The following RBFOX1 variants were observed in gnomAD, a reference collection of about 807,000 sequenced individuals.
RBFOX1 encodes RNA binding fox-1 homolog 1, also known as RNA binding protein fox-1 homolog 1.
Under a neutral mutation model 57.7 loss-of-function variants are expected in RBFOX1, and 8 were observed. That is an observed-to-expected ratio of 0.14 (90% confidence interval 0.08 to 0.25). The LOEUF (loss-of-function observed/expected upper bound fraction) is 0.25, where lower values mean the gene tolerates loss of function less well. RBFOX1 is among the 10% of genes least tolerant of loss of function. The pLI is 1.00. For synonymous variants in RBFOX1, 326 were observed against 222.4 expected (o/e 1.47, Z -4.15); for missense variants, 611 against 548.5 (o/e 1.11, Z -1.14).
At chr16:6,341,314 C>G (rs1567973200) in intron 2 of RBFOX1, among the ~76,000 whole-genome samples, 1 of 152,098 alleles carries the variant, frequency 6.6e-6, no homozygotes, top group Non-Finnish European at 1.5e-5. Flanking sequence ...GGTTGAGTCT[C>G]TTTCACATCA....
intron 3 of RBFOX1, among the ~76,000 whole-genome samples, chr16:5,854,883 C>G (rs1295464600): frequency 6.6e-6 from 1 of 152,178 alleles, no homozygotes. Flanking sequence ...TCCTCACCAA[C>G]ACTTGCTATC....
intron 10 of RBFOX1, among the ~76,000 whole-genome samples, chr16:7,613,538 A>G (rs1399734242): frequency 6.6e-6 from 1 of 152,202 alleles, no homozygotes; most frequent in African/African-American, 2.4e-5. Flanking sequence ...GGATCTCAGT[A>G]TGAAGTTTAA....
At chr16:6,298,198 T>C (rs56291480) in intron 1 of RBFOX1, among the ~76,000 whole-genome samples, 36,588 of 152,126 alleles carry the variant, frequency 0.24, 4,588 homozygotes, top group Non-Finnish European at 0.28. Flanking sequence ...GTGGCAGCAA[T>C]TGAAGAGATG....
At chr16:6,648,007 A>G (rs569959807) in intron 2 of RBFOX1, among the ~76,000 whole-genome samples, 1 of 152,144 alleles carries the variant, frequency 6.6e-6, no homozygotes, top group African/African-American at 2.4e-5. Flanking sequence ...ATGCCCAGCT[A>G]ATTTTTGTAT....
At chr16:6,158,968 TCTCGG>T (rs2096857969) in intron 1 of RBFOX1, among the ~76,000 whole-genome samples, 1 of 151,984 alleles carries the variant, frequency 6.6e-6, no homozygotes, top group Non-Finnish European at 1.5e-5. Context: ...AGTAGTGCAC[TCTCGG>T]CTCACTGCAA....
chr16:6,141,574 C>G (rs1414021707), intron 1 of RBFOX1, among the ~76,000 whole-genome samples: 4 of 152,122 alleles, frequency 2.6e-5, no homozygotes, highest in Admixed American at 2.6e-4. Context: ...TCCTGTCTTT[C>G]CCTGCTTGTC....
At chr16:6,155,565 G>A (rs17215032) in intron 1 of RBFOX1, among the ~76,000 whole-genome samples, 1 of 152,308 alleles carries the variant, frequency 6.6e-6, no homozygotes, top group South Asian at 2.1e-4. Flanking sequence ...CATCGATAGT[G>A]ACCAGAAGGC....
At chr16:7,246,272 A>G (rs1388915594) in intron 4 of RBFOX1, among the ~76,000 whole-genome samples, 2 of 152,094 alleles carry the variant, frequency 1.3e-5, no homozygotes, top group African/African-American at 2.4e-5. Flanking sequence ...ATCCAATGCA[A>G]TCCAATTGCC....
intron 1 of RBFOX1, among the ~76,000 whole-genome samples, chr16:6,102,097 C>A (rs1029906379): frequency 4.0e-5 from 6 of 150,804 alleles, no homozygotes; most frequent in Non-Finnish European, 8.8e-5. Context: ...TGATTTCCTT[C>A]CTTATAATTC....
At chr16:5,319,607 G>A (rs2064344334) in intron 1 of RBFOX1, among the ~76,000 whole-genome samples, 1 of 152,194 alleles carries the variant, frequency 6.6e-6, no homozygotes, top group Non-Finnish European at 1.5e-5. Context: ...TCTTGGATGG[G>A]TTCCCAGCCT....
chr16:6,850,951 A>C (rs1361589211), intron 3 of RBFOX1, among the ~76,000 whole-genome samples: 1 of 152,238 alleles, frequency 6.6e-6, no homozygotes, highest in Non-Finnish European at 1.5e-5. Flanking sequence ...ATTTGTAATA[A>C]TAGCTAAAGA....
intron 2 of RBFOX1, among the ~76,000 whole-genome samples, chr16:5,549,091 C>A (rs1050793526): frequency 6.6e-6 from 1 of 152,164 alleles, no homozygotes; most frequent in Non-Finnish European, 1.5e-5. Flanking sequence ...TCGTGGAGGA[C>A]CCCAGCTTCC....
intron 1 of RBFOX1, among the ~76,000 whole-genome samples, chr16:5,425,119 A>ATCTATCTG (rs2067516413): frequency 7.3e-6 from 1 of 136,678 alleles, no homozygotes; most frequent in Non-Finnish European, 1.6e-5. Context: ...CTATCTATCT[A>ATCTATCTG]TCTTGAGACA....
chr16:7,366,172 A>C (rs2097442440), intron 4 of RBFOX1, among the ~76,000 whole-genome samples: 2 of 152,170 alleles, frequency 1.3e-5, no homozygotes, highest in South Asian at 2.1e-4. Context: ...TCCCAGCAAG[A>C]CCAGGATGAT....
intron 3 of RBFOX1, among the ~76,000 whole-genome samples, chr16:6,726,246 G>C (rs953050769): frequency 4.6e-5 from 7 of 151,840 alleles, no homozygotes; most frequent in African/African-American, 1.7e-4. Flanking sequence ...CCCCAGCAAG[G>C]GAAATTTTTG....
At chr16:6,533,633 G>A (rs2096692717) in intron 2 of RBFOX1, among the ~76,000 whole-genome samples, 1 of 152,034 alleles carries the variant, frequency 6.6e-6, no homozygotes, top group Admixed American at 6.6e-5. Flanking sequence ...AGGAGGAAAA[G>A]CAAGTCTTTT....
intron 1 of RBFOX1, among the ~76,000 whole-genome samples, chr16:5,255,730 A>G (rs2062577144): frequency 6.6e-6 from 1 of 151,774 alleles, no homozygotes; most frequent in African/African-American, 2.4e-5. Flanking sequence ...GTATCCATCC[A>G]TCTGCTTGTA....
intron 3 of RBFOX1, among the ~76,000 whole-genome samples, chr16:6,979,999 C>T (rs2088248844): frequency 6.6e-6 from 1 of 152,062 alleles, no homozygotes; most frequent in Non-Finnish European, 1.5e-5. Flanking sequence ...ACCGTTTCTC[C>T]TTCCCAGCCT....
At chr16:6,303,254 A>G (rs2079034893) in intron 1 of RBFOX1, among the ~76,000 whole-genome samples, 1 of 152,124 alleles carries the variant, frequency 6.6e-6, no homozygotes, top group Non-Finnish European at 1.5e-5. Context: ...CTTCAGTGCC[A>G]TTTTCGTTCT....
Sources: allele counts gnomAD v4.1 joint callset (sites outside exome capture counted in the v4.1 genomes callset), GRCh38; gene constraint gnomAD v4.1.1; transcripts MANE v1.5; gene names NCBI Gene and HGNC (gene_info 2026-07-23, HGNC 2026-07-21).